The following SERGEF variants were observed in gnomAD, a reference collection of about 807,000 sequenced individuals.
The protein encoded by SERGEF is secretion-regulating guanine nucleotide exchange factor.
A neutral mutation model predicts 50.0 loss-of-function variants in SERGEF; 51 were observed. That is an observed-to-expected ratio of 1.02 (90% CI 0.81 to 1.29). The LOEUF (loss-of-function observed/expected upper bound fraction) is 1.29, where lower values mean the gene tolerates loss of function less well. Ranked by LOEUF, SERGEF falls within the 50% of genes most tolerant of loss-of-function variation. SERGEF has a pLI of 0.00. For synonymous variants in SERGEF, 205 were observed against 212.4 expected, an observed-to-expected ratio of 0.97 and a Z score of 0.30; for missense variants, 521 against 557.0, an observed-to-expected ratio of 0.94 and a Z score of 0.65.
chr11:17,893,042 T>C (rs1476700177), intron 9 of SERGEF, among the ~76,000 whole-genome samples: 1 of 152,192 alleles, frequency 6.6e-6, no homozygotes, highest in Non-Finnish European at 1.5e-5. Context: ...AAGTAGTATA[T>C]GTTCAACAGG....
At position 18,007,972 on chromosome 11, in the gene SERGEF, TG is replaced by T. The variant is rs749299415; in HGVS notation, c.164del (p.Thr55LysfsTer21). The T allele has an allele frequency of 6.2e-7, 1 of 1,614,078 alleles. No individual in the cohort carries two copies. The highest frequency in any genetic ancestry group is 2.2e-5 in the East Asian group (1 of 44,882). ...FCKPRSVRRI[T>X]GGGGHSAVVT... ...CAACTGCAGAGTGGCCCCCTCCTCCTGTGATCCTCCTGACACTCCTGGGTTT... is the reference window on the plus strand; with the variant it reads ...CAACTGCAGAGTGGCCCCCTCCTCCTTGATCCTCCTGACACTCCTGGGTTT... On this transcript the variant is annotated frameshift_variant, in exon 2 of 11. Coordinates refer to ENST00000265965, the MANE Select transcript of SERGEF (RefSeq NM_012139.4). LOFTEE classifies it high-confidence loss of function.
chr11:17,803,328 G>A (rs1238521021), intron 10 of SERGEF, among the ~76,000 whole-genome samples: 1 of 152,232 alleles, frequency 6.6e-6, no homozygotes, highest in Non-Finnish European at 1.5e-5. Flanking sequence ...CTTCAAATGA[G>A]CACCCATCCA....
intron 8 of SERGEF, among the ~76,000 whole-genome samples, chr11:17,985,682 A>G (rs1208301937): frequency 2.0e-5 from 3 of 152,200 alleles, no homozygotes; most frequent in Non-Finnish European, 2.9e-5. Context: ...ACTAACAGAG[A>G]AAAGTATTTT....
chr11:17,893,186 A>C (rs1851562395), intron 9 of SERGEF, among the ~76,000 whole-genome samples: 1 of 152,182 alleles, frequency 6.6e-6, no homozygotes, highest in Non-Finnish European at 1.5e-5. Flanking sequence ...TATTTGATCC[A>C]CAAAATAGCC....
At chr11:17,973,727 C>T (rs1853304894) in intron 8 of SERGEF, among the ~76,000 whole-genome samples, 1 of 152,158 alleles carries the variant, frequency 6.6e-6, no homozygotes, top group Non-Finnish European at 1.5e-5. Flanking sequence ...TAGAGCTATA[C>T]TCAAAGATGG....
intron 8 of SERGEF, among the ~76,000 whole-genome samples, chr11:17,976,431 A>G (rs1157064219): frequency 6.7e-6 from 1 of 148,776 alleles, no homozygotes; most frequent in Non-Finnish European, 1.5e-5. Flanking sequence ...GACTACAGGC[A>G]TGCACCACCA....
At chr11:17,980,492 T>A (rs879893966) in intron 8 of SERGEF, among the ~76,000 whole-genome samples, 1 of 152,218 alleles carries the variant, frequency 6.6e-6, no homozygotes, top group Non-Finnish European at 1.5e-5. Flanking sequence ...GGAGCTATAA[T>A]CAAATTGAAA....
intron 8 of SERGEF, among the ~76,000 whole-genome samples, chr11:17,982,195 T>C (rs1201747550): frequency 6.6e-6 from 1 of 152,134 alleles, no homozygotes; most frequent in Non-Finnish European, 1.5e-5. Flanking sequence ...CCTCATCATC[T>C]CTGGAAAGAA....
chr11:17,928,565 C>T (rs1053606627), intron 9 of SERGEF, among the ~76,000 whole-genome samples: 3 of 152,072 alleles, frequency 2.0e-5, no homozygotes, highest in Admixed American at 6.6e-5. Context: ...GCTATAGTGG[C>T]CTGCACATAG....
intron 10 of SERGEF, among the ~76,000 whole-genome samples, chr11:17,791,729 C>T (rs114084679): frequency 1.3e-3 from 200 of 152,330 alleles, no homozygotes; most frequent in African/African-American, 4.6e-3. Flanking sequence ...TCAGTTCTCT[C>T]ATCTGTTCAA....
chr11:17,939,191 G>C (rs1852514187), intron 9 of SERGEF, among the ~76,000 whole-genome samples: 1 of 152,220 alleles, frequency 6.6e-6, no homozygotes, highest in African/African-American at 2.4e-5. Flanking sequence ...GAAGACAAGA[G>C]TGGCAGAACA....
chr11:17,980,431 C>G (rs528971387), intron 8 of SERGEF, among the ~76,000 whole-genome samples: 77 of 152,310 alleles, frequency 5.1e-4, no homozygotes, highest in African/African-American at 1.7e-3. Flanking sequence ...AGGAGCCAGT[C>G]TCTTGCACTG....
At chr11:17,941,913 G>A (rs1316563590) in intron 9 of SERGEF, among the ~76,000 whole-genome samples, 2 of 152,072 alleles carry the variant, frequency 1.3e-5, no homozygotes, top group Non-Finnish European at 2.9e-5. Context: ...CATAATCTTG[G>A]TCATTTGTAT....
intron 10 of SERGEF, among the ~76,000 whole-genome samples, chr11:17,829,777 C>T (rs988530889): frequency 3.9e-5 from 6 of 152,152 alleles, no homozygotes; most frequent in African/African-American, 1.2e-4. Flanking sequence ...GTAAACTACC[C>T]TGATCCTCAA....
intron 10 of SERGEF, among the ~76,000 whole-genome samples, chr11:17,859,530 T>C (rs1217042768): frequency 6.6e-6 from 1 of 152,132 alleles, no homozygotes; most frequent in Admixed American, 6.5e-5. Flanking sequence ...TGTAAAACAA[T>C]TTCAAGAAAG....
intron 10 of SERGEF, chr11:17,863,511 C>G (rs969839408): frequency 2.0e-5 from 3 of 152,248 alleles, no homozygotes; most frequent in African/African-American, 7.2e-5. Flanking sequence ...CTTTACCCTT[C>G]CTCCACTGAG....
chr11:17,943,691 A>G (rs2133958079), intron 9 of SERGEF, among the ~76,000 whole-genome samples: 1 of 152,310 alleles, frequency 6.6e-6, no homozygotes, highest in South Asian at 2.1e-4. Flanking sequence ...TATTCATTTA[A>G]AGATATAAAT....
At chr11:17,963,181 CAAAA>C (rs1164488575) in intron 8 of SERGEF, among the ~76,000 whole-genome samples, 4 of 16,500 alleles carry the variant, frequency 2.4e-4, no homozygotes, top group East Asian at 3.5e-3. Flanking sequence ...GACTCTGTTT[CAAAA>C]AAAAAAAAAA....
intron 8 of SERGEF, among the ~76,000 whole-genome samples, chr11:17,968,219 A>G (rs1014373118): frequency 4.6e-5 from 7 of 152,234 alleles, no homozygotes; most frequent in Admixed American, 1.3e-4. Context: ...TATTGCTGTT[A>G]CCACCAAGGA....
Sources: gnomAD v4.1 joint callset for allele counts (sites outside exome capture counted in the v4.1 genomes callset) on GRCh38, gnomAD v4.1.1 for gene constraint, MANE v1.5 for transcripts, NCBI Gene and HGNC (gene_info 2026-07-23, HGNC 2026-07-21) for gene names.